BAZ2B: variants seen among roughly 807,000 people sequenced by gnomAD.
BAZ2B encodes the protein bromodomain adjacent to zinc finger domain protein 2B.
BAZ2B carries 91 observed loss-of-function variants against 246.0 expected under a neutral mutation model. That is an observed-to-expected ratio of 0.37 (90% CI 0.31 to 0.44). BAZ2B has a LOEUF of 0.44. BAZ2B is among the 20% of genes least tolerant of loss of function. The probability of loss-of-function intolerance (pLI) is 1.00; values close to 1 mark genes in which losing one functional copy is unlikely to be tolerated. For missense variants in BAZ2B, 2,332 were observed against 2,533.7 expected, an observed-to-expected ratio of 0.92 and a Z score of 1.71; for synonymous variants, 855 against 860.0, an observed-to-expected ratio of 0.99 and a Z score of 0.10.
At chr2:159,686,704 T>C in the BAZ2B span, among the ~76,000 whole-genome samples, 1 of 152,140 alleles carries the variant, frequency 6.6e-6, no homozygotes, top group African/African-American at 2.4e-5. Flanking sequence ...GTCTGGGGTT[T>C]AGATAACAGT....
chr2:159,682,191 C>CA, the BAZ2B span, among the ~76,000 whole-genome samples: 1 of 111,762 alleles, frequency 8.9e-6, no homozygotes, highest in Non-Finnish European at 1.8e-5. Flanking sequence ...TGCTCAGGCT[C>CA]TTTTTTTTTT....
chr2:159,571,766 A>G (rs1046749254), intron 1 of BAZ2B, among the ~76,000 whole-genome samples: 2 of 152,206 alleles, frequency 1.3e-5, no homozygotes, highest in African/African-American at 4.8e-5. Flanking sequence ...GACGGCCTCC[A>G]TGCTCCATCA....
At chr2:159,397,806 C>G (rs759583411) in intron 18 of BAZ2B, among the ~76,000 whole-genome samples, 1 of 152,166 alleles carries the variant, frequency 6.6e-6, no homozygotes, top group Non-Finnish European at 1.5e-5. Flanking sequence ...GATTAGAACT[C>G]TCTCCATTCT....
At chr2:159,702,768 C>T in the BAZ2B span, among the ~76,000 whole-genome samples, 1 of 152,108 alleles carries the variant, frequency 6.6e-6, no homozygotes, top group Non-Finnish European at 1.5e-5. Context: ...TGGCCAGGCG[C>T]GGTGGCTCAC....
the BAZ2B span, chr2:159,693,244 C>T: frequency 6.6e-6 from 1 of 151,964 alleles, no homozygotes; most frequent in African/African-American, 2.4e-5. Flanking sequence ...ATGCTCAGCA[C>T]CAGTTTACGG....
At chr2:159,645,279 GT>G in the BAZ2B span, among the ~76,000 whole-genome samples, 27 of 45,130 alleles carry the variant, frequency 6.0e-4, no homozygotes, top group South Asian at 1.1e-3. Flanking sequence ...TCTAAAAAAA[GT>G]TTTTTTTTTT....
intron 2 of BAZ2B, among the ~76,000 whole-genome samples, chr2:159,535,620 T>C (rs1488416386): frequency 6.6e-6 from 1 of 152,222 alleles, no homozygotes; most frequent in Non-Finnish European, 1.5e-5. Context: ...TATCAGTATG[T>C]AAAAATGATC....
At chr2:159,554,158 C>T (rs1178517182) in intron 2 of BAZ2B, among the ~76,000 whole-genome samples, 1 of 152,128 alleles carries the variant, frequency 6.6e-6, no homozygotes, top group Non-Finnish European at 1.5e-5. Flanking sequence ...TAAATATCAC[C>T]TCTCTTCCTG....
chr2:159,330,544 G>A (rs1490979999), intron 34 of BAZ2B, among the ~76,000 whole-genome samples: 1 of 152,150 alleles, frequency 6.6e-6, no homozygotes, highest in Non-Finnish European at 1.5e-5. Flanking sequence ...AAGCTGTGGA[G>A]GTGAAAATCT....
intron 28 of BAZ2B, 117 bp from the exon 29 acceptor site, chr2:159,349,397 T>G: frequency 8.9e-7 from 1 of 1,122,534 alleles, no homozygotes; most frequent in Non-Finnish European, 1.2e-6. Flanking sequence ...TTTATTACAA[T>G]TACAGGAAAA....
At chr2:159,679,169 G>A in the BAZ2B span, among the ~76,000 whole-genome samples, 1 of 151,702 alleles carries the variant, frequency 6.6e-6, no homozygotes, top group African/African-American at 2.4e-5. Context: ...CTACTTGGGA[G>A]GCTGAGGCAG....
chr2:159,408,079 A>G (rs2066237294), intron 14 of BAZ2B, among the ~76,000 whole-genome samples: 1 of 152,246 alleles, frequency 6.6e-6, no homozygotes, highest in African/African-American at 2.4e-5. Context: ...ATTCTCTAAT[A>G]TAAGTTTAAC....
At chr2:159,710,437 T>A in the BAZ2B span, among the ~76,000 whole-genome samples, 1 of 152,142 alleles carries the variant, frequency 6.6e-6, no homozygotes, top group African/African-American at 2.4e-5. Flanking sequence ...CTCGATCTCC[T>A]GACCTCGTGA....
intron 20 of BAZ2B, among the ~76,000 whole-genome samples, chr2:159,389,815 G>A (rs1282798745): frequency 6.6e-6 from 1 of 152,150 alleles, no homozygotes; most frequent in Non-Finnish European, 1.5e-5. Flanking sequence ...GCAAGCAAAT[G>A]ATTTACAGCA....
At position 159,365,501 on chromosome 2, in the gene BAZ2B, C is replaced by T. The variant is rs531821195; in HGVS notation, c.4213+7544G>A. On this transcript the variant is annotated intron_variant, in intron 27 of 36. Transcript: ENST00000392783. The stretch of plus-strand genomic sequence containing the variant: ...TACCTGTCATAATTTCAACAGGTGG[C>T]TGGGAGGTTTGTGTGTTCATATTAC... Among the ~76,000 whole-genome samples, 16 of 152,236 alleles carry T rather than the reference C, an allele frequency of 1.1e-4. No homozygotes were observed. In the South Asian group the frequency reaches 3.3e-3, roughly 32 times the overall value.
intron 1 of BAZ2B, among the ~76,000 whole-genome samples, chr2:159,579,753 G>A (rs1036800426): frequency 6.6e-6 from 1 of 152,136 alleles, no homozygotes; most frequent in Non-Finnish European, 1.5e-5. Context: ...GGGATGCAAG[G>A]CTGGTTCAAC....
At chr2:159,434,346 A>G (rs1018079073) in intron 8 of BAZ2B, 2 of 151,866 alleles carry the variant, frequency 1.3e-5, no homozygotes, top group African/African-American at 4.8e-5. Context: ...TTTTTAGTGG[A>G]GATGGGGTTG....
chr2:159,502,065 C>T (rs1311961170), intron 2 of BAZ2B, among the ~76,000 whole-genome samples: 1 of 152,076 alleles, frequency 6.6e-6, no homozygotes, highest in Non-Finnish European at 1.5e-5. Context: ...AGAAGCCAGT[C>T]ACAAATGACC....
At chr2:159,420,260 C>A (rs1174141491) in intron 13 of BAZ2B, among the ~76,000 whole-genome samples, 1 of 152,164 alleles carries the variant, frequency 6.6e-6, no homozygotes, top group Non-Finnish European at 1.5e-5. Flanking sequence ...ACAGAAAAAA[C>A]TGCCTGGCAC....
Sources: gnomAD v4.1 joint callset for allele counts (sites outside exome capture counted in the v4.1 genomes callset) on GRCh38, gnomAD v4.1.1 for gene constraint, MANE v1.5 for transcripts, NCBI Gene and HGNC (gene_info 2026-07-23, HGNC 2026-07-21) for gene names.